The following RUNX1T1 variants were observed in gnomAD, a reference collection of about 807,000 sequenced individuals.
RUNX1T1 encodes protein CBFA2T1.
Under a neutral mutation model 62.8 loss-of-function variants are expected in RUNX1T1, and 4 were observed. The observed-to-expected ratio is 0.06, with a 90% CI of 0.03 to 0.15. The LOEUF is 0.15. Ranked by LOEUF, RUNX1T1 falls within the 10% of genes least tolerant of loss-of-function variation. RUNX1T1 has a pLI of 1.00. For synonymous variants in RUNX1T1, 291 were observed against 286.0 expected (o/e 1.02, Z -0.18); for missense variants, 508 against 754.3 (o/e 0.67, Z 3.82).
At chr8:92,094,621 G>A (rs1456625820) in intron 1 of RUNX1T1, among the ~76,000 whole-genome samples, 1 of 152,034 alleles carries the variant, frequency 6.6e-6, no homozygotes. Context: ...TTTAAAACAA[G>A]TCACACAAAA....
At chr8:92,011,468 G>C (rs762470108) in intron 3 of RUNX1T1, among the ~76,000 whole-genome samples, 1 of 152,182 alleles carries the variant, frequency 6.6e-6, no homozygotes, top group Non-Finnish European at 1.5e-5. Context: ...AAAGGACCGA[G>C]GGCAAGTGTC....
chr8:91,981,678 G>C (rs1306820448), intron 8 of RUNX1T1, among the ~76,000 whole-genome samples: 1 of 151,828 alleles, frequency 6.6e-6, no homozygotes, highest in Non-Finnish European at 1.5e-5. Context: ...GCCTCCCCAA[G>C]TGCTGGGATT....
chr8:92,004,012 A>T (rs1820255914), intron 5 of RUNX1T1, among the ~76,000 whole-genome samples: 1 of 152,232 alleles, frequency 6.6e-6, no homozygotes, highest in Admixed American at 6.5e-5. Flanking sequence ...ACTGCTTAAC[A>T]GAGGATTATG....
At chr8:92,037,150 A>T (rs1304005285) in intron 1 of RUNX1T1, among the ~76,000 whole-genome samples, 1 of 152,156 alleles carries the variant, frequency 6.6e-6, no homozygotes, top group Non-Finnish European at 1.5e-5. Context: ...TTACCTGAGA[A>T]ATTCTGAAAT....
intron 1 of RUNX1T1, among the ~76,000 whole-genome samples, chr8:92,023,906 T>G (rs1587083100): frequency 6.6e-6 from 1 of 152,136 alleles, no homozygotes; most frequent in Non-Finnish European, 1.5e-5. Context: ...TCCAAGATCT[T>G]TATATTTAGA....
chr8:92,002,652 C>T (rs1416726084), intron 5 of RUNX1T1, among the ~76,000 whole-genome samples: 2 of 152,088 alleles, frequency 1.3e-5, no homozygotes, highest in Admixed American at 1.3e-4. Context: ...CTTTTAGTGA[C>T]TGATGGCTCC....
chr8:91,968,025 T>C (rs1563620764), intron 10 of RUNX1T1, among the ~76,000 whole-genome samples: 2 of 152,128 alleles, frequency 1.3e-5, no homozygotes, highest in African/African-American at 2.4e-5. Context: ...CCTTGTAAGG[T>C]AAATGAATAT....
chr8:92,033,699 C>T (rs1036309887), intron 1 of RUNX1T1, among the ~76,000 whole-genome samples: 3 of 151,942 alleles, frequency 2.0e-5, no homozygotes, highest in Non-Finnish European at 4.4e-5. Context: ...TGGCTGGGTG[C>T]GGTGGCTCAC....
intron 1 of RUNX1T1, among the ~76,000 whole-genome samples, chr8:92,060,312 C>A (rs1333129537): frequency 6.6e-6 from 1 of 151,646 alleles, no homozygotes; most frequent in African/African-American, 2.4e-5. Flanking sequence ...TCTTTAAAAA[C>A]ATGTTTTTTA....
At chr8:92,057,452 A>G (rs1234430340) in intron 1 of RUNX1T1, among the ~76,000 whole-genome samples, 3 of 152,186 alleles carry the variant, frequency 2.0e-5, no homozygotes, top group Non-Finnish European at 4.4e-5. Context: ...AACAGAAACA[A>G]TTTGCAAAGC....
In RUNX1T1 at chr8:92,011,111, G is replaced by A; in HGVS notation, c.388-20C>T. ...GGAGTTCTATGGAAGAAAATATGTA[G>A]TATAAATACATTAGCCTGTTGGTAA... On this transcript the variant is annotated intron_variant, in intron 3 of 10. Coordinates refer to ENST00000396218, the Ensembl canonical transcript of RUNX1T1. 1 of 1,323,980 alleles carries A rather than the reference G, an allele frequency of 7.6e-7. No individual in the cohort carries two copies. The highest frequency in any genetic ancestry group is 1.1e-6 in the Non-Finnish European group (1 of 916,110). 82.0% of individuals were successfully genotyped at this position (1,323,980 alleles called of 1,614,324 possible).
At chr8:91,984,320 A>G (rs895249239) in intron 8 of RUNX1T1, among the ~76,000 whole-genome samples, 3 of 152,140 alleles carry the variant, frequency 2.0e-5, no homozygotes, top group African/African-American at 7.2e-5. Flanking sequence ...CCCTTGTTCT[A>G]TGTGCTGATA....
intron 1 of RUNX1T1, among the ~76,000 whole-genome samples, chr8:92,028,600 C>G (rs1219474727): frequency 6.6e-6 from 1 of 152,028 alleles, no homozygotes; most frequent in East Asian, 1.9e-4. Flanking sequence ...TGACTTACAC[C>G]CTGGTGTTCT....
intron 1 of RUNX1T1, among the ~76,000 whole-genome samples, chr8:92,034,771 T>C (rs1370290566): frequency 1.5e-5 from 2 of 133,144 alleles, no homozygotes; most frequent in Non-Finnish European, 3.3e-5. Flanking sequence ...CATATACATA[T>C]ATATACACAT....
At chr8:91,960,569 A>G in intron 10 of RUNX1T1, 52 bp from the exon 12 acceptor site, 1 of 1,568,948 alleles carries the variant, frequency 6.4e-7, no homozygotes, top group Non-Finnish European at 8.7e-7. Flanking sequence ...CACTGTTAAG[A>G]CAATAGTCTG....
intron 1 of RUNX1T1, among the ~76,000 whole-genome samples, chr8:92,053,122 T>C (rs1288412818): frequency 6.6e-6 from 1 of 151,912 alleles, no homozygotes; most frequent in Non-Finnish European, 1.5e-5. Context: ...AGAGCAGCAA[T>C]TAAAATCATT....
intron 1 of RUNX1T1, among the ~76,000 whole-genome samples, chr8:92,040,439 A>C (rs1209575998): frequency 6.6e-6 from 1 of 152,240 alleles, no homozygotes; most frequent in Non-Finnish European, 1.5e-5. Flanking sequence ...AGCATTCTGC[A>C]CAATGCTTAG....
At chr8:91,981,677 A>G (rs145184149) in intron 8 of RUNX1T1, among the ~76,000 whole-genome samples, 1,606 of 151,910 alleles carry the variant, frequency 0.011, 21 homozygotes, top group African/African-American at 0.036. Context: ...GGCCTCCCCA[A>G]GTGCTGGGAT....
chr8:92,047,336 G>C (rs956227164), intron 1 of RUNX1T1, among the ~76,000 whole-genome samples: 3 of 151,948 alleles, frequency 2.0e-5, no homozygotes, highest in African/African-American at 7.3e-5. Flanking sequence ...TCTCAAAGAG[G>C]TGCATTTCAA....
Sources: allele counts gnomAD v4.1 joint callset (sites outside exome capture counted in the v4.1 genomes callset), GRCh38; gene constraint gnomAD v4.1.1; transcripts MANE v1.5; gene names NCBI Gene and HGNC (gene_info 2026-07-23, HGNC 2026-07-21).